The following NRXN1 variants were observed in gnomAD, a reference collection of about 807,000 sequenced individuals.
NRXN1 encodes neurexin 1, also known as neurexin-1.
NRXN1 carries 39 observed loss-of-function variants against 150.9 expected under a neutral mutation model. The ratio of observed to expected loss-of-function variants is 0.26; its 90% CI spans 0.20 to 0.34. The LOEUF (loss-of-function observed/expected upper bound fraction) is 0.34, where lower values mean the gene tolerates loss of function less well. NRXN1 is among the 10% of genes least tolerant of loss of function. NRXN1 has a pLI of 1.00. For missense variants in NRXN1, 1,815 were observed against 1,949.9 expected, an observed-to-expected ratio of 0.93 and a Z score of 1.30; for synonymous variants, 924 against 757.0, an observed-to-expected ratio of 1.22 and a Z score of -3.62.
chr2:50,541,830 C>T (rs1268906243), intron 9 of NRXN1, among the ~76,000 whole-genome samples: 1 of 151,778 alleles, frequency 6.6e-6, no homozygotes, highest in Admixed American at 6.6e-5. Flanking sequence ...AAATGCTGGA[C>T]CATCAATGGA....
intron 5 of NRXN1, among the ~76,000 whole-genome samples, chr2:50,839,560 A>C (rs1372997009): frequency 6.6e-6 from 1 of 152,142 alleles, no homozygotes; most frequent in Non-Finnish European, 1.5e-5. Context: ...CCAGAGAAAG[A>C]TCTTCATGCA....
intron 5 of NRXN1, chr2:50,624,767 T>C (rs1680706622): frequency 6.6e-6 from 1 of 152,032 alleles, no homozygotes; most frequent in Non-Finnish European, 1.5e-5. Flanking sequence ...GGATAGCATG[T>C]AAATGAAGTC....
chr2:50,255,850 A>G (rs993379695), intron 17 of NRXN1, among the ~76,000 whole-genome samples: 1 of 152,174 alleles, frequency 6.6e-6, no homozygotes, highest in Non-Finnish European at 1.5e-5. Flanking sequence ...TACTATCATT[A>G]ACTAATTAAA....
chr2:50,664,465 G>A (rs890484529), intron 5 of NRXN1, among the ~76,000 whole-genome samples: 1 of 147,868 alleles, frequency 6.8e-6, no homozygotes, highest in Non-Finnish European at 1.5e-5. Context: ...GTGGGTAGAA[G>A]GATAGGCATT....
chr2:50,373,779 T>A (rs572375731), intron 17 of NRXN1, among the ~76,000 whole-genome samples: 1 of 152,086 alleles, frequency 6.6e-6, no homozygotes, highest in Admixed American at 6.6e-5. Flanking sequence ...GGAGTAGGGG[T>A]TACTGAGGAT....
chr2:50,807,364 C>T (rs756228736), intron 5 of NRXN1, among the ~76,000 whole-genome samples: 1 of 152,124 alleles, frequency 6.6e-6, no homozygotes, highest in Non-Finnish European at 1.5e-5. Context: ...AAGGTTCTTA[C>T]CCCATTCATG....
intron 18 of NRXN1, among the ~76,000 whole-genome samples, chr2:50,118,859 T>C (rs565897770): frequency 1.9e-3 from 294 of 152,298 alleles, no homozygotes; most frequent in African/African-American, 6.7e-3. Flanking sequence ...GAATACATTT[T>C]AATTCACCAG....
intron 18 of NRXN1, among the ~76,000 whole-genome samples, chr2:50,214,677 G>A (rs1194088203): frequency 6.6e-6 from 1 of 151,922 alleles, no homozygotes; most frequent in East Asian, 1.9e-4. Flanking sequence ...GGAGTTTACT[G>A]ATAATTTCTC....
chr2:49,980,952 T>C (rs917408823), intron 21 of NRXN1, among the ~76,000 whole-genome samples: 1 of 152,052 alleles, frequency 6.6e-6, no homozygotes, highest in Non-Finnish European at 1.5e-5. Flanking sequence ...CCATTTCATG[T>C]GAAATGATGA....
intron 17 of NRXN1, among the ~76,000 whole-genome samples, chr2:50,329,609 GTGTGTGTGTATATA>G (rs1333023314): frequency 4.0e-5 from 1 of 24,776 alleles, no homozygotes; most frequent in African/African-American, 1.7e-4. Context: ...GTGTGTGTGT[GTGTGTGTGTATATA>G]TATATATATA....
intron 18 of NRXN1, among the ~76,000 whole-genome samples, chr2:50,151,531 G>C (rs1317269933): frequency 6.6e-6 from 1 of 151,656 alleles, no homozygotes; most frequent in Admixed American, 6.6e-5. Context: ...CAGGCTTCTA[G>C]TTTCTAATGT....
intron 17 of NRXN1, among the ~76,000 whole-genome samples, chr2:50,405,834 A>G (rs919968104): frequency 6.6e-6 from 1 of 152,160 alleles, no homozygotes; most frequent in Non-Finnish European, 1.5e-5. Flanking sequence ...CAGGAAAAAT[A>G]ATAATAGCTA....
At chr2:50,310,664 T>C (rs13030819) in intron 17 of NRXN1, among the ~76,000 whole-genome samples, 7 of 152,314 alleles carry the variant, frequency 4.6e-5, no homozygotes, top group South Asian at 2.1e-4. Flanking sequence ...TCTACTGTTA[T>C]TGGAGAACAT....
chr2:50,883,226 G>A (rs926131070), intron 5 of NRXN1, among the ~76,000 whole-genome samples: 4 of 151,730 alleles, frequency 2.6e-5, no homozygotes, highest in Non-Finnish European at 5.9e-5. Context: ...GAGTAAATCC[G>A]AAATGGTCTT....
At chr2:50,831,221 G>A (rs1281768120) in intron 5 of NRXN1, among the ~76,000 whole-genome samples, 4 of 152,152 alleles carry the variant, frequency 2.6e-5, no homozygotes, top group Non-Finnish European at 5.9e-5. Flanking sequence ...CAATGAGAAT[G>A]AACAATCTAC....
At chr2:50,135,697 C>T (rs1706294222) in intron 18 of NRXN1, among the ~76,000 whole-genome samples, 1 of 151,328 alleles carries the variant, frequency 6.6e-6, no homozygotes, top group Admixed American at 6.6e-5. Flanking sequence ...TCTCAAAAAA[C>T]AAAAAACGAA....
intron 8 of NRXN1, among the ~76,000 whole-genome samples, chr2:50,596,568 T>G (rs1008268664): frequency 6.6e-6 from 1 of 152,210 alleles, no homozygotes; most frequent in Non-Finnish European, 1.5e-5. Flanking sequence ...TCTCCACTAT[T>G]CCACTGTGTC....
intron 2 of NRXN1, among the ~76,000 whole-genome samples, chr2:50,968,639 A>C (rs967216433): frequency 2.6e-5 from 4 of 152,104 alleles, no homozygotes; most frequent in Admixed American, 2.0e-4. Context: ...AGCATTCAGA[A>C]ATGCTGTATT....
intron 5 of NRXN1, among the ~76,000 whole-genome samples, chr2:50,788,740 T>C (rs950901630): frequency 6.6e-6 from 1 of 152,028 alleles, no homozygotes; most frequent in African/African-American, 2.4e-5. Flanking sequence ...GTGTGCCTAA[T>C]ATGCACCAGA....
Sources: allele counts gnomAD v4.1 joint callset (sites outside exome capture counted in the v4.1 genomes callset), GRCh38; gene constraint gnomAD v4.1.1; transcripts MANE v1.5; gene names NCBI Gene and HGNC (gene_info 2026-07-23, HGNC 2026-07-21).